Variants in ATP9A observed in about 807,000 individuals in gnomAD.
The protein encoded by ATP9A is ATPase phospholipid transporting 9A.
In ATP9A, 52 loss-of-function variants were observed where a neutral mutation model predicts 144.1. The observed-to-expected ratio is 0.36, with a 90% CI of 0.29 to 0.45. The LOEUF (loss-of-function observed/expected upper bound fraction) is 0.45. ATP9A is among the 20% of genes least tolerant of loss of function. The pLI is 1.00. For synonymous variants in ATP9A, 582 were observed against 557.4 expected (o/e 1.04, Z -0.62); for missense variants, 947 against 1,392.7 (o/e 0.68, Z 5.09).
intron 15 of ATP9A, among the ~76,000 whole-genome samples, chr20:51,638,756 G>A (rs147910376): frequency 3.4e-4 from 51 of 152,120 alleles, no homozygotes; most frequent in African/African-American, 1.1e-3. Flanking sequence ...CTAGCTACTC[G>A]GGAGGCTGAG....
At chr20:51,763,381 C>T (rs1601151833) in intron 1 of ATP9A, among the ~76,000 whole-genome samples, 1 of 150,068 alleles carries the variant, frequency 6.7e-6, no homozygotes, top group East Asian at 2.0e-4. Context: ...GGCGCGATCT[C>T]GGCTCACTGC....
intron 3 of ATP9A, among the ~76,000 whole-genome samples, chr20:51,714,709 C>G (rs2077654917): frequency 6.6e-6 from 1 of 152,236 alleles, no homozygotes; most frequent in Non-Finnish European, 1.5e-5. Flanking sequence ...GTCCTGAACT[C>G]CTGAGCTCAC....
chr20:51,687,332 G>T (rs2077527546), intron 9 of ATP9A, among the ~76,000 whole-genome samples: 1 of 152,146 alleles, frequency 6.6e-6, no homozygotes, highest in Non-Finnish European at 1.5e-5. Flanking sequence ...AAACCTCAAG[G>T]GAGAGTGCAC....
intron 1 of ATP9A, among the ~76,000 whole-genome samples, chr20:51,762,520 G>A (rs1008880350): frequency 1.3e-5 from 2 of 151,178 alleles, no homozygotes; most frequent in African/African-American, 2.4e-5. Flanking sequence ...TTAGCTGGGC[G>A]TGGCGGCGGG....
At chr20:51,710,725 A>G (rs1238330544) in intron 4 of ATP9A, among the ~76,000 whole-genome samples, 2 of 152,198 alleles carry the variant, frequency 1.3e-5, no homozygotes, top group Non-Finnish European at 2.9e-5. Flanking sequence ...ACAAAGGAAG[A>G]CAAGTTTTTA....
chr20:51,628,725 C>T (rs1175337382), intron 16 of ATP9A, among the ~76,000 whole-genome samples: 1 of 152,248 alleles, frequency 6.6e-6, no homozygotes, highest in Non-Finnish European at 1.5e-5. Context: ...TGAGATGAGA[C>T]CACAGCCCCA....
At chr20:51,634,879 G>A (rs564219536) in intron 15 of ATP9A, among the ~76,000 whole-genome samples, 12 of 88,032 alleles carry the variant, frequency 1.4e-4, no homozygotes, top group Middle Eastern at 6.8e-3. Context: ...ATCCCCTAAC[G>A]TGTGATGTTT....
intron 18 of ATP9A, among the ~76,000 whole-genome samples, chr20:51,624,524 C>T (rs6021329): frequency 0.52 from 79,612 of 151,880 alleles, 21,444 homozygotes; most frequent in African/African-American, 0.65. Flanking sequence ...CTGACGGTCA[C>T]TCTGCTGGGT....
In ATP9A at chr20:51,607,621, GC is replaced by G. The variant is rs750753976; in HGVS notation, c.2746-38del. 12 of 1,549,964 alleles carry G rather than the reference GC, an allele frequency of 7.7e-6. No individual in the cohort carries two copies. The African/African-American group carries it at 1.5e-4, about 19-fold the overall frequency. On this transcript the variant is annotated intron_variant, in intron 25 of 27. Transcript: ENST00000338821. ...ACAGAGAAAGGTTAGAGCCGGTTTC[GC>G]GGGGGGCTCACGCAGCATGCCATCA...
At chr20:51,645,788 G>A (rs1447766734) in intron 14 of ATP9A, among the ~76,000 whole-genome samples, 1 of 152,172 alleles carries the variant, frequency 6.6e-6, no homozygotes, top group Non-Finnish European at 1.5e-5. Flanking sequence ...TGGGGAGTGA[G>A]CTGAGATAAC....
At chr20:51,679,454 C>T (rs1035364481) in intron 9 of ATP9A, among the ~76,000 whole-genome samples, 1 of 152,158 alleles carries the variant, frequency 6.6e-6, no homozygotes, top group African/African-American at 2.4e-5. Context: ...TAGACAGGCA[C>T]GTGCTCTGAG....
chr20:51,607,206 G>A (rs1444497146), intron 26 of ATP9A, among the ~76,000 whole-genome samples: 1 of 152,146 alleles, frequency 6.6e-6, no homozygotes, highest in African/African-American at 2.4e-5. Context: ...ACTACGACTT[G>A]ACCTGACTCT....
At chr20:51,698,734 G>A (rs574255096) in intron 4 of ATP9A, among the ~76,000 whole-genome samples, 6 of 152,310 alleles carry the variant, frequency 3.9e-5, no homozygotes, top group South Asian at 2.1e-4. Flanking sequence ...AATAACAGAC[G>A]AAAGGCACCC....
At chr20:51,656,304 C>T (rs901771485) in intron 14 of ATP9A, among the ~76,000 whole-genome samples, 1 of 152,054 alleles carries the variant, frequency 6.6e-6, no homozygotes, top group Non-Finnish European at 1.5e-5. Context: ...GTAATCCCAA[C>T]ACTGTGGGAG....
intron 14 of ATP9A, among the ~76,000 whole-genome samples, chr20:51,642,684 CCA>C (rs2122751481): frequency 8.1e-6 from 1 of 124,132 alleles, no homozygotes; most frequent in South Asian, 2.6e-4. Flanking sequence ...TGAAACCATG[CCA>C]CTGCACTCTA....
At chr20:51,754,504 G>A (rs955082950) in intron 1 of ATP9A, among the ~76,000 whole-genome samples, 16 of 151,520 alleles carry the variant, frequency 1.1e-4, no homozygotes, top group Admixed American at 9.9e-4. Context: ...ACTCCATCTC[G>A]GGAAAAAAAG....
chr20:51,648,378 C>T (rs78560449), intron 14 of ATP9A, among the ~76,000 whole-genome samples: 2,865 of 152,298 alleles, frequency 0.019, 38 homozygotes, highest in Non-Finnish European at 0.027. Context: ...GGACCTTTTA[C>T]ACACATGGTC....
At chr20:51,634,764 A>G (rs1237361924) in intron 15 of ATP9A, among the ~76,000 whole-genome samples, 1 of 147,896 alleles carries the variant, frequency 6.8e-6, no homozygotes, top group Non-Finnish European at 1.5e-5. Context: ...CTGGGGTAGG[A>G]GAATCGCTTG....
At chr20:51,753,454 A>AAACAACAAC (rs11472926) in intron 1 of ATP9A, among the ~76,000 whole-genome samples, 69 of 149,188 alleles carry the variant, frequency 4.6e-4, no homozygotes, top group South Asian at 8.6e-4. Flanking sequence ...CCGTCTCAAA[A>AAACAACAAC]AACAACAACA....
Sources: allele counts gnomAD v4.1 joint callset (sites outside exome capture counted in the v4.1 genomes callset), GRCh38; gene constraint gnomAD v4.1.1; transcripts MANE v1.5; gene names NCBI Gene and HGNC (gene_info 2026-07-23, HGNC 2026-07-21).